Variants in CALN1 observed in about 807,000 individuals in gnomAD.
CALN1 encodes calneuron 1.
A neutral mutation model predicts 30.6 loss-of-function variants in CALN1; 17 were observed. That is an observed-to-expected ratio of 0.56 (90% confidence interval 0.38 to 0.83). The LOEUF (loss-of-function observed/expected upper bound fraction) is 0.83, where lower values mean the gene tolerates loss of function less well. Among genes scored for constraint, CALN1 ranks in the 40% least tolerant of loss-of-function variants. The probability of loss-of-function intolerance (pLI) is 0.00; values close to 1 mark genes in which losing one functional copy is unlikely to be tolerated. For missense variants in CALN1, 291 were observed against 354.9 expected (o/e 0.82, Z 1.45); for synonymous variants, 156 against 131.4 (o/e 1.19, Z -1.28).
At chr7:71,987,781 T>C (rs1798751021) in intron 5 of CALN1, among the ~76,000 whole-genome samples, 1 of 152,240 alleles carries the variant, frequency 6.6e-6, no homozygotes, top group Admixed American at 6.5e-5. Flanking sequence ...TCTTTCCGGA[T>C]AGCAGGCTCG....
Position 71,809,474 on chromosome 7 carries a change from A to AAAAAAAAG in CALN1, c.658+861_658+862insCTTTTTTT, listed in dbSNP as rs1554342800. 1.1e-4 allele frequency among the ~76,000 whole-genome samples: 17 copies of AAAAAAAAG among 151,382 alleles called. 1 individual carries two copies. The East Asian group carries it at 3.1e-3, about 28-fold the overall frequency. Reference sequence around the variant, plus strand: ...ACTTATTTAAATGTTCAAAAAAAAAAAAAAGAAAAGAAAAGAAAAAAAATT... The same window carrying AAAAAAAAG: ...ACTTATTTAAATGTTCAAAAAAAAAAAAAAAAAGAAAAGAAAAGAAAAGAAAAAAAATT... On this transcript the variant is annotated intron_variant, in intron 6 of 6. Coordinates refer to ENST00000395275, the MANE Select transcript of CALN1 (RefSeq NM_031468.4).
intron 2 of CALN1, among the ~76,000 whole-genome samples, chr7:72,318,234 G>C (rs2129557027): frequency 6.6e-6 from 1 of 152,264 alleles, no homozygotes; most frequent in East Asian, 1.9e-4. Flanking sequence ...GAAACACCTT[G>C]ATTTTACGTT....
chr7:72,446,328 CCTT>C (rs1162938700), intron 1 of CALN1, among the ~76,000 whole-genome samples: 3 of 152,178 alleles, frequency 2.0e-5, no homozygotes, highest in African/African-American at 7.2e-5. Flanking sequence ...TAAATCTACT[CCTT>C]CTCTCTGCCA....
At chr7:72,056,462 C>T (rs1192940147) in intron 4 of CALN1, among the ~76,000 whole-genome samples, 2 of 151,866 alleles carry the variant, frequency 1.3e-5, no homozygotes, top group African/African-American at 4.8e-5. Context: ...ACAAATGGTG[C>T]TGAAAAGACA....
chr7:71,930,768 G>C (rs1795509556), intron 5 of CALN1, among the ~76,000 whole-genome samples: 1 of 152,212 alleles, frequency 6.6e-6, no homozygotes, highest in Non-Finnish European at 1.5e-5. Flanking sequence ...TGGTGTCCCA[G>C]TTCCAGAAAC....
intron 4 of CALN1, among the ~76,000 whole-genome samples, chr7:72,035,149 T>C (rs1801716999): frequency 6.6e-6 from 1 of 152,198 alleles, no homozygotes; most frequent in South Asian, 2.1e-4. Flanking sequence ...CACAACCATT[T>C]TTAGGTGTGC....
At chr7:72,268,822 C>CACACACAT in intron 3 of CALN1, among the ~76,000 whole-genome samples, 1 of 151,578 alleles carries the variant, frequency 6.6e-6, no homozygotes, top group Admixed American at 6.6e-5. Flanking sequence ...CACACACACA[C>CACACACAT]ACACAGAACT....
intron 4 of CALN1, among the ~76,000 whole-genome samples, chr7:72,037,156 ATT>A (rs35583201): frequency 2.2e-4 from 33 of 149,354 alleles, no homozygotes; most frequent in Admixed American, 1.0e-3. Context: ...TCTTTTCATA[ATT>A]TTTTTTTTTT....
chr7:72,043,329 C>T (rs1802249199), intron 4 of CALN1, among the ~76,000 whole-genome samples: 1 of 152,084 alleles, frequency 6.6e-6, no homozygotes, highest in Non-Finnish European at 1.5e-5. Flanking sequence ...AGTCCAGAAC[C>T]CCCAGGAAGC....
intron 2 of CALN1, among the ~76,000 whole-genome samples, chr7:72,328,010 TAAC>T (rs1419113439): frequency 1.3e-5 from 2 of 152,198 alleles, no homozygotes; most frequent in African/African-American, 4.8e-5. Context: ...GAAAAAAATC[TAAC>T]AATATATGTA....
chr7:72,448,901 G>C (rs909991949), upstream of CALN1, among the ~76,000 whole-genome samples: 1 of 151,996 alleles, frequency 6.6e-6, no homozygotes, highest in Non-Finnish European at 1.5e-5. Flanking sequence ...CACCGCACCC[G>C]GCCGCATGAT....
At chr7:72,075,838 T>C (rs980106162) in intron 4 of CALN1, among the ~76,000 whole-genome samples, 1 of 151,950 alleles carries the variant, frequency 6.6e-6, no homozygotes, top group Non-Finnish European at 1.5e-5. Context: ...GACATCTGGG[T>C]GTCAGGGGAA....
chr7:72,296,573 T>A (rs1037357039), intron 2 of CALN1, among the ~76,000 whole-genome samples: 14 of 147,058 alleles, frequency 9.5e-5, no homozygotes, highest in African/African-American at 3.0e-4. Flanking sequence ...ATTCAACTTC[T>A]TCCTGGTTTA....
upstream of CALN1, among the ~76,000 whole-genome samples, chr7:72,452,044 T>G (rs1380432011): frequency 6.6e-6 from 1 of 152,152 alleles, no homozygotes; most frequent in Non-Finnish European, 1.5e-5. Context: ...AACTTCACTT[T>G]GGGAGAATTG....
chr7:72,278,413 C>T (rs1243303727), intron 3 of CALN1, among the ~76,000 whole-genome samples: 1 of 151,844 alleles, frequency 6.6e-6, no homozygotes, highest in Non-Finnish European at 1.5e-5. Context: ...GCTATCCCCC[C>T]AGTCACTATC....
intron 5 of CALN1, among the ~76,000 whole-genome samples, chr7:71,859,605 C>G (rs1433960462): frequency 6.6e-6 from 1 of 152,170 alleles, no homozygotes; most frequent in Non-Finnish European, 1.5e-5. Context: ...TCTCCTGTCT[C>G]CTCTGCTCAT....
chr7:72,469,972 T>C, the CALN1 span, among the ~76,000 whole-genome samples: 1 of 152,120 alleles, frequency 6.6e-6, no homozygotes, highest in Non-Finnish European at 1.5e-5. Context: ...TGGGGCAGTA[T>C]AGAGCCTGCA....
In CALN1 at chr7:71,782,430, T is replaced by C. The variant is rs79350211; in HGVS notation, c.*5345A>G. On this transcript the variant is annotated 3_prime_UTR_variant, in exon 7 of 7. Transcript: ENST00000395275. ...GTCTCACCAGAAGCCAAGCAGATGT[T>C]GATACCTTGCTCAAACAGCCTGCAG... The C allele has an allele frequency of 0.036, 5,450 of 152,356 alleles. 145 individuals carry two copies. Among genetic ancestry groups the C allele is most frequent in the Non-Finnish European group, 0.052 (3,573 of 68,078 alleles). The allele number at this position is 152,356 out of a possible 1,614,324, so 9.4% of individuals were successfully genotyped here. A position where few individuals can be genotyped will look rare whatever the true frequency, so the allele number is the denominator to read the frequency against.
chr7:72,347,857 G>A (rs1037743154), intron 2 of CALN1, among the ~76,000 whole-genome samples: 19 of 152,164 alleles, frequency 1.2e-4, no homozygotes, highest in African/African-American at 7.2e-5. Context: ...AGTAGGGCGA[G>A]GTGGCTCATG....
Sources: gnomAD v4.1 joint callset for allele counts (sites outside exome capture counted in the v4.1 genomes callset) on GRCh38, gnomAD v4.1.1 for gene constraint, MANE v1.5 for transcripts, NCBI Gene and HGNC (gene_info 2026-07-23, HGNC 2026-07-21) for gene names.